Variants in KLHL6 observed in about 807,000 individuals in gnomAD.
KLHL6 encodes the protein kelch-like protein 6.
KLHL6 carries 41 observed loss-of-function variants against 58.6 expected under a neutral mutation model. The ratio of observed to expected loss-of-function variants is 0.70; its 90% CI spans 0.55 to 0.91. The LOEUF (loss-of-function observed/expected upper bound fraction) is 0.91, where lower values mean the gene tolerates loss of function less well. Among genes scored for constraint, KLHL6 ranks in the 40% least tolerant of loss-of-function variants. KLHL6 has a pLI of 0.00. For synonymous variants in KLHL6, 338 were observed against 322.7 expected, an observed-to-expected ratio of 1.05 and a Z score of -0.51; for missense variants, 714 against 805.6, an observed-to-expected ratio of 0.89 and a Z score of 1.38.
Position 183,499,533 on chromosome 3 carries a change from C to G in KLHL6, c.1147+57G>C. ...CTAGGATGGTTGCCTGGCTGCCACT[C>G]AGGAATATATGTAGTGCTACTGGAG... On this transcript the variant is annotated intron_variant, in intron 4 of 6. Transcript: ENST00000341319. This position sits in a 1 kb window ranked among gnomAD's most constrained non-coding sequence, Gnocchi z 4.6. 8.3e-7 allele frequency: 1 copy of G among 1,210,904 alleles called. No individual in the cohort carries two copies. The highest frequency in any genetic ancestry group is 1.2e-6 in the Non-Finnish European group (1 of 858,628). The allele number at this position is 1,210,904 out of a possible 1,614,324, so 75.0% of individuals were successfully genotyped here.
At chr3:183,511,070 C>T (rs984956808) in intron 2 of KLHL6, among the ~76,000 whole-genome samples, 3 of 152,052 alleles carry the variant, frequency 2.0e-5, no homozygotes, top group East Asian at 3.9e-4. Flanking sequence ...GGACCCTCAC[C>T]GGCACCAGTC....
intron 1 of KLHL6, among the ~76,000 whole-genome samples, chr3:183,552,731 A>G (rs34375405): frequency 6.6e-6 from 1 of 151,070 alleles, no homozygotes; most frequent in Non-Finnish European, 1.5e-5. Flanking sequence ...AAAAAAAAAA[A>G]AAAAAAAAAA....
intron 1 of KLHL6, among the ~76,000 whole-genome samples, chr3:183,535,106 G>A (rs894773505): frequency 4.0e-4 from 61 of 151,952 alleles, no homozygotes; most frequent in African/African-American, 1.4e-3. Context: ...CACCACGCCT[G>A]GCTAATTTTT....
Position 183,499,626 on chromosome 3 carries a change from C to A in KLHL6, c.1111G>T (p.Ala371Ser), listed in dbSNP as rs770369747. 6.2e-7 allele frequency: 1 copy of A among 1,604,628 alleles called. No homozygotes were observed. The highest frequency in any genetic ancestry group is 1.7e-5 in the Admixed American group (1 of 58,212). ...ESENKKWVEF[A>S]CVTLKNEVYI... is the part of the protein sequence containing the mutation. ...ACCTCATTTTTCAATGTCACGCATG[C>A]AAACTCCACCCACTTCTTATTCTCA... Residue 371 changes from alanine (A) to serine (S), a missense_variant, in exon 4 of 7, where the codon GCA becomes TCA. Physicochemically the swap from Ala to Ser is moderately conservative, Grantham distance 99. Transcript: ENST00000341319. This position sits in a 1 kb window ranked among gnomAD's most constrained non-coding sequence, Gnocchi z 4.6.
intron 4 of KLHL6, among the ~76,000 whole-genome samples, chr3:183,494,870 A>C (rs1340453499): frequency 6.6e-6 from 1 of 152,240 alleles, no homozygotes; most frequent in East Asian, 1.9e-4. Context: ...TAAAAGTATG[A>C]GATGCTCACA....
intron 4 of KLHL6, among the ~76,000 whole-genome samples, chr3:183,496,628 T>C (rs899118870): frequency 1.3e-5 from 2 of 152,224 alleles, no homozygotes; most frequent in Admixed American, 1.3e-4. Flanking sequence ...ATAACAGTAG[T>C]GATAATACTG....
intron 1 of KLHL6, among the ~76,000 whole-genome samples, chr3:183,533,932 T>G (rs1311330675): frequency 6.6e-6 from 1 of 151,668 alleles, no homozygotes; most frequent in Non-Finnish European, 1.5e-5. Flanking sequence ...CCGGGGCCTC[T>G]GTAAAGTGAA....
chr3:183,493,852 GC>G, intron 5 of KLHL6: 1 of 555,316 alleles, frequency 1.8e-6, no homozygotes, highest in East Asian at 3.2e-5. Context: ...TAGGACAGGT[GC>G]CCACACAGAC....
chr3:183,499,276 G>A lies in KLHL6; in HGVS notation c.1147+314C>T, dbSNP rs1158144673. On this transcript the variant is annotated intron_variant, in intron 4 of 6. Coordinates refer to ENST00000341319, the MANE Select transcript of KLHL6 (RefSeq NM_130446.4). The surrounding 1 kb of genome is among the most constrained non-coding windows in gnomAD (Gnocchi z 4.6). ...CAGGAGGGTCACTTGAACTCGGGAGGCGGAGGTTGCAGCTAGCCAAGATTG... is the reference window on the plus strand; with the variant it reads ...CAGGAGGGTCACTTGAACTCGGGAGACGGAGGTTGCAGCTAGCCAAGATTG... 1.3e-5 allele frequency among the ~76,000 whole-genome samples: 2 copies of A among 152,082 alleles called. No individual in the cohort carries two copies. The highest frequency in any genetic ancestry group is 4.8e-5 in the African/African-American group (2 of 41,404).
At chr3:183,544,611 TG>T (rs1712656504) in intron 1 of KLHL6, 1 of 152,168 alleles carries the variant, frequency 6.6e-6, no homozygotes, top group South Asian at 2.1e-4. Flanking sequence ...TTTTTCCTTT[TG>T]TCCAGCATCT....
At chr3:183,509,279 T>G (rs1161082089) in intron 2 of KLHL6, among the ~76,000 whole-genome samples, 1 of 152,236 alleles carries the variant, frequency 6.6e-6, no homozygotes, top group Non-Finnish European at 1.5e-5. Context: ...TATGATTCAT[T>G]TTAGGTGCCA....
chr3:183,502,740 A>C (rs915795678), intron 3 of KLHL6, among the ~76,000 whole-genome samples: 2 of 152,208 alleles, frequency 1.3e-5, no homozygotes, highest in African/African-American at 4.8e-5. Flanking sequence ...CAAGAGCTTT[A>C]CTGCAACTTC....
At chr3:183,548,395 T>TC (rs1479081380) in intron 1 of KLHL6, among the ~76,000 whole-genome samples, 4 of 152,146 alleles carry the variant, frequency 2.6e-5, no homozygotes, top group Non-Finnish European at 5.9e-5. Context: ...GGCCCTTCCT[T>TC]CATGCATAGA....
At chr3:183,531,441 G>GTATTTTTTTTTT (rs1367673441) in intron 1 of KLHL6, among the ~76,000 whole-genome samples, 4 of 102,098 alleles carry the variant, frequency 3.9e-5, no homozygotes, top group Non-Finnish European at 6.5e-5. Flanking sequence ...TTTTTTGTCT[G>GTATTTTTTTTTT]TGTTTTTTTT....
Position 183,527,855 on chromosome 3 carries a change from T to A in KLHL6, c.449A>T (p.Asn150Ile). 1 of 1,613,804 alleles carries A rather than the reference T, an allele frequency of 6.2e-7. No individual in the cohort carries two copies. The highest frequency in any genetic ancestry group is 1.1e-5 in the South Asian group (1 of 91,062). Reference sequence around the variant, plus strand: ...AGTTTGTTCACACACCTGGAAGAGGTTAGCAGCCTCCAGGACCCGCTGGAC... The same window carrying A: ...AGTTTGTTCACACACCTGGAAGAGGATAGCAGCCTCCAGGACCCGCTGGAC... Reference protein sequence around the residue: ...QNVQRVLEAANLFQFLRMVDA... With the variant: ...QNVQRVLEAAILFQFLRMVDA... The change falls in exon 2 of 7, where the codon AAC becomes ATC. Residue 150 changes from asparagine to isoleucine, a missense_variant. Asn to Ile is a moderately radical substitution (Grantham distance 149). Around this residue, in one of 2 missense-constraint regions of KLHL6, gnomAD observed 510 missense variants for 629.7 expected, o/e 0.81. Transcript: ENST00000341319.
chr3:183,489,900 C>T lies in KLHL6; in HGVS notation c.*2027G>A, dbSNP rs1717497706. 6.6e-6 allele frequency: 1 copy of T among 152,174 alleles called. No individual in the cohort carries two copies. Among genetic ancestry groups the T allele is most frequent in the Admixed American group, 6.5e-5 (1 of 15,276 alleles). The allele number at this position is 152,174 out of a possible 1,614,324, so 9.4% of individuals were successfully genotyped here. A position where few individuals can be genotyped will look rare whatever the true frequency, so the allele number is the denominator to read the frequency against. ...TAATGAAAATTCAATTCACTATCAA[C>T]TCTAATAACTAACTTCCCAAACTGC... On this transcript the variant is annotated 3_prime_UTR_variant, in exon 7 of 7. Coordinates refer to ENST00000341319, the MANE Select transcript of KLHL6 (RefSeq NM_130446.4).
intron 1 of KLHL6, among the ~76,000 whole-genome samples, chr3:183,538,994 C>T (rs1359249877): frequency 6.6e-6 from 1 of 152,172 alleles, no homozygotes; most frequent in African/African-American, 2.4e-5. Context: ...GAATCCTGTA[C>T]CCCACCTACC....
chr3:183,524,755 G>A (rs1419473609), intron 2 of KLHL6, among the ~76,000 whole-genome samples: 1 of 152,204 alleles, frequency 6.6e-6, no homozygotes, highest in African/African-American at 2.4e-5. Context: ...TGAAAATTAA[G>A]AAGCGTTTAT....
At chr3:183,536,223 C>T (rs1173596976) in intron 1 of KLHL6, among the ~76,000 whole-genome samples, 1 of 152,170 alleles carries the variant, frequency 6.6e-6, no homozygotes, top group African/African-American at 2.4e-5. Context: ...GGAGGAAGCC[C>T]AGCAAGACAA....
Sources: gnomAD v4.1 joint callset for allele counts (sites outside exome capture counted in the v4.1 genomes callset) on GRCh38, gnomAD v4.1.1 for gene constraint, gnomAD v4.1.1 regional missense constraint, Gnocchi (gnomAD v3.1) non-coding constraint, MANE v1.5 for transcripts, NCBI Gene and HGNC (gene_info 2026-07-23, HGNC 2026-07-21) for gene names.